MYO7B: variants seen among roughly 807,000 people sequenced by gnomAD.
The protein encoded by MYO7B is myosin VIIB.
MYO7B carries 212 observed loss-of-function variants against 259.7 expected under a neutral mutation model. The observed-to-expected ratio is 0.82, with a 90% CI of 0.73 to 0.91. MYO7B has a LOEUF of 0.91. MYO7B is among the 40% of genes least tolerant of loss of function. MYO7B has a pLI of 0.00. For synonymous variants in MYO7B, 1,197 were observed against 1,166.4 expected, an observed-to-expected ratio of 1.03 and a Z score of -0.54; for missense variants, 2,732 against 2,813.5, an observed-to-expected ratio of 0.97 and a Z score of 0.66.
chr2:127,566,926 C>T, intron 5 of MYO7B, 99 bp downstream of exon 5: 1 of 1,270,348 alleles, frequency 7.9e-7, no homozygotes, highest in Non-Finnish European at 1.1e-6. Flanking sequence ...TCTCCCTACT[C>T]CATGGCACAC....
At chr2:127,554,636 G>C (rs1693571855) in intron 1 of MYO7B, among the ~76,000 whole-genome samples, 1 of 152,148 alleles carries the variant, frequency 6.6e-6, no homozygotes, top group African/African-American at 2.4e-5. Flanking sequence ...CTATGTTGTG[G>C]AATAGTATCA....
chr2:127,543,197 A>T (rs1693077914), intron 1 of MYO7B, among the ~76,000 whole-genome samples: 1 of 152,154 alleles, frequency 6.6e-6, no homozygotes, highest in South Asian at 2.1e-4. Context: ...TCACATGGGG[A>T]GAAATCTTGG....
In MYO7B at chr2:127,630,974, C is replaced by T. The variant is rs536909224; in HGVS notation, c.4937+66C>T. 7.5e-6 allele frequency: 11 copies of T among 1,471,234 alleles called. No individual in the cohort carries two copies. In the African/African-American group the frequency reaches 9.8e-5, roughly 13 times the overall value. 91.1% of individuals were successfully genotyped at this position (1,471,234 alleles called of 1,614,324 possible). A position where few individuals can be genotyped will look rare whatever the true frequency, so the allele number is the denominator to read the frequency against. Reference sequence around the variant, plus strand: ...CCCAGCCCCACCTCACCTCATTGCACCCCCTGCTCCCAGCCCCGCTCCACC... The same window carrying T: ...CCCAGCCCCACCTCACCTCATTGCATCCCCTGCTCCCAGCCCCGCTCCACC... On this transcript the variant is annotated intron_variant, in intron 36 of 47. Transcript: ENST00000409816.
chr2:127,560,293 C>T lies in MYO7B; in HGVS notation c.18+553C>T, dbSNP rs150726264. Among the ~76,000 whole-genome samples, 5 of 152,300 alleles carry T rather than the reference C, an allele frequency of 3.3e-5. No individual in the cohort carries two copies. The East Asian group carries it at 9.7e-4, about 29-fold the overall frequency. ...CCACTAGCCTTGGCCTCCCAAAGTGCTGGGTGTGAGCCACCTTGCCCAGCC... is the reference window on the plus strand; with the variant it reads ...CCACTAGCCTTGGCCTCCCAAAGTGTTGGGTGTGAGCCACCTTGCCCAGCC... On this transcript the variant is annotated intron_variant, in intron 2 of 47. Coordinates refer to ENST00000409816, the MANE Select transcript of MYO7B (RefSeq NM_001393586.1).
At position 127,630,815 on chromosome 2, in the gene MYO7B, C is replaced by A. The variant is rs376500341; in HGVS notation, c.4844C>A (p.Ala1615Glu). ...ATGTCACCAGAGAAGAGGAAGCTGGCGGCTCAGGAGGGGCAGTTCACAGAG... is the reference window on the plus strand; with the variant it reads ...ATGTCACCAGAGAAGAGGAAGCTGGAGGCTCAGGAGGGGCAGTTCACAGAG... ...LAMSPEKRKL[A>E]AQEGQFTEPR... Residue 1615 changes from alanine to glutamate, a missense_variant, in exon 36 of 48, where the codon GCG (alanine) becomes GAG (glutamate). Around this residue, in one of 3 missense-constraint regions of MYO7B, gnomAD observed 821 missense variants for 769.3 expected, o/e 1.07. Transcript: ENST00000409816. 6 of 1,613,030 alleles carry A rather than the reference C, an allele frequency of 3.7e-6. No individual in the cohort carries two copies. Among genetic ancestry groups the A allele is most frequent in the Non-Finnish European group, 5.1e-6 (6 of 1,179,776 alleles).
intron 7 of MYO7B, among the ~76,000 whole-genome samples, chr2:127,574,390 A>T (rs1184494245): frequency 6.6e-6 from 1 of 152,140 alleles, no homozygotes; most frequent in Non-Finnish European, 1.5e-5. Context: ...ATGAAAAAAA[A>T]AATTAGCTAG....
intron 6 of MYO7B, among the ~76,000 whole-genome samples, chr2:127,571,478 T>C (rs915064796): frequency 7.1e-6 from 1 of 140,324 alleles, no homozygotes; most frequent in East Asian, 2.2e-4. Context: ...GTTTTTTGTT[T>C]GTTTGTTTTT....
chr2:127,572,592 T>C (rs1573638289), intron 6 of MYO7B, among the ~76,000 whole-genome samples: 2 of 149,934 alleles, frequency 1.3e-5, no homozygotes, highest in Non-Finnish European at 1.5e-5. Context: ...TTCCTTCCTT[T>C]CTTTTTCTCC....
At chr2:127,634,938 G>T in intron 42 of MYO7B, 182 bp from the exon 43 acceptor site, 1 of 648,808 alleles carries the variant, frequency 1.5e-6, no homozygotes, top group Non-Finnish European at 2.7e-6. Flanking sequence ...GCGAGTCCAG[G>T]AATGTTCCTG....
chr2:127,559,821 G>T lies in MYO7B; in HGVS notation c.18+81G>T. 7.9e-6 allele frequency: 12 copies of T among 1,512,968 alleles called. No homozygotes were observed. The highest frequency in any genetic ancestry group is 1.4e-5 in the African/African-American group (1 of 72,916). The allele number at this position is 1,512,968 out of a possible 1,614,324, so 93.7% of individuals were successfully genotyped here. On this transcript the variant is annotated intron_variant, in intron 2 of 47. Coordinates refer to ENST00000409816, the MANE Select transcript of MYO7B (RefSeq NM_001393586.1). The surrounding 1 kb of genome is among the most constrained non-coding windows in gnomAD (Gnocchi z 4.1). ...GTTGAATCGCTCCCAAGGAAAGAGAGGAAAGGCAATGAGACCCTATAGGAA... is the reference window on the plus strand; with the variant it reads ...GTTGAATCGCTCCCAAGGAAAGAGATGAAAGGCAATGAGACCCTATAGGAA...
intron 9 of MYO7B, among the ~76,000 whole-genome samples, chr2:127,578,631 T>C (rs1221167295): frequency 6.6e-6 from 1 of 152,122 alleles, no homozygotes; most frequent in African/African-American, 2.4e-5. Flanking sequence ...GGGATTAAGT[T>C]GTCCTGACCT....
chr2:127,560,956 G>T (rs1402697006), intron 2 of MYO7B, among the ~76,000 whole-genome samples: 1 of 152,134 alleles, frequency 6.6e-6, no homozygotes, highest in African/African-American at 2.4e-5. Flanking sequence ...TTCAGTTACA[G>T]AATAGAGCTT....
intron 26 of MYO7B, 39 bp from the exon 27 acceptor site, chr2:127,620,301 A>G: frequency 6.4e-7 from 1 of 1,574,558 alleles, no homozygotes; most frequent in Non-Finnish European, 8.7e-7. Context: ...CTCCTCCTCC[A>G]GCCCCCAGCC....
chr2:127,564,139 T>C lies in MYO7B; in HGVS notation c.19-14T>C, dbSNP rs763694704. 2 of 1,522,036 alleles carry C rather than the reference T, an allele frequency of 1.3e-6. No individual in the cohort carries two copies. Among genetic ancestry groups the C allele is most frequent in the African/African-American group, 2.7e-5 (2 of 73,018 alleles). 94.3% of individuals were successfully genotyped at this position (1,522,036 alleles called of 1,614,324 possible). ...GAGCGGGGATCACACCACTGTCTTC[T>C]GTCTGCCCTCCAGGGTGACCACGTG... On this transcript the variant is annotated splice_polypyrimidine_tract_variant and intron_variant, in intron 2 of 47. Transcript: ENST00000409816.
intron 9 of MYO7B, among the ~76,000 whole-genome samples, chr2:127,579,098 T>C (rs1192667934): frequency 6.6e-6 from 1 of 151,542 alleles, no homozygotes; most frequent in Non-Finnish European, 1.5e-5. Context: ...GGAGGGAAAG[T>C]CAGGAGAAAC....
At chr2:127,537,683 GGAA>G (rs1187365071) in intron 1 of MYO7B, among the ~76,000 whole-genome samples, 1 of 151,838 alleles carries the variant, frequency 6.6e-6, no homozygotes, top group East Asian at 1.9e-4. Context: ...AGGAGGAGGA[GGAA>G]GAAGAAGAGG....
At position 127,596,477 on chromosome 2, in the gene MYO7B, C is replaced by T; in HGVS notation, c.2260C>T (p.Leu754=). ...KIFLRDHQDT[L]LEVQRSQVLD... ...CCTGTTCCAGGATCATCAGGACACT[C>T]TGCTGGAGGTACAGAGAAGCCAGGT... is the stretch of plus-strand genomic sequence containing the variant. Residue 754 remains leucine, a synonymous_variant, in exon 19 of 48, where the codon CTG becomes TTG. Coordinates refer to ENST00000409816, the MANE Select transcript of MYO7B (RefSeq NM_001393586.1). 1 of 1,613,442 alleles carries T rather than the reference C, an allele frequency of 6.2e-7. No individual in the cohort carries two copies. Among genetic ancestry groups the T allele is most frequent in the Non-Finnish European group, 8.5e-7 (1 of 1,179,628 alleles).
At chr2:127,537,630 C>T (rs975410926) in intron 1 of MYO7B, among the ~76,000 whole-genome samples, 1 of 151,686 alleles carries the variant, frequency 6.6e-6, no homozygotes, top group East Asian at 1.9e-4. Flanking sequence ...GAGCCCACAA[C>T]ATGGGGAGAC....
intron 28 of MYO7B, 63 bp from the exon 29 acceptor site, chr2:127,623,139 G>C (rs1387291296): frequency 6.3e-7 from 1 of 1,578,830 alleles, no homozygotes; most frequent in Non-Finnish European, 8.6e-7. Context: ...GTAGTGGATG[G>C]GGGGTTGGCC....
Sources: gnomAD v4.1 joint callset for allele counts (sites outside exome capture counted in the v4.1 genomes callset) on GRCh38, gnomAD v4.1.1 for gene constraint, gnomAD v4.1.1 regional missense constraint, Gnocchi (gnomAD v3.1) non-coding constraint, MANE v1.5 for transcripts, NCBI Gene and HGNC (gene_info 2026-07-23, HGNC 2026-07-21) for gene names.